Variants in ADHFE1 observed in about 807,000 individuals in gnomAD.
The protein encoded by ADHFE1 is alcohol dehydrogenase iron containing 1, also known as hydroxyacid-oxoacid transhydrogenase, mitochondrial.
In ADHFE1, 37 loss-of-function variants were observed where a neutral mutation model predicts 54.8. The ratio of observed to expected loss-of-function variants is 0.68; its 90% confidence interval spans 0.52 to 0.89. ADHFE1 has a LOEUF of 0.89. Ranked by LOEUF, ADHFE1 falls within the 40% of genes least tolerant of loss-of-function variation. The probability of loss-of-function intolerance (pLI) is 0.00; values close to 1 mark genes in which losing one functional copy is unlikely to be tolerated. For missense variants in ADHFE1, 601 were observed against 591.2 expected (o/e 1.02, Z -0.17); for synonymous variants, 203 against 229.3 (o/e 0.89, Z 1.04).
rs558042447 is a variant in ADHFE1 at position 66,455,121 on chromosome 8, G to A, written c.986+964G>A. 4.6e-5 allele frequency among the ~76,000 whole-genome samples: 7 copies of A among 152,284 alleles called. No homozygotes were observed. In the South Asian group the frequency reaches 1.5e-3, roughly 32 times the overall value. ...AGCTTTTTTCTTCTCTATGGACATA[G>A]GTTTTCCTTTCTCTTGTTATATAGG... On this transcript the variant is annotated intron_variant, in intron 10 of 13. Transcript: ENST00000396623.
intron 13 of ADHFE1, among the ~76,000 whole-genome samples, chr8:66,463,125 A>G (rs1806989635): frequency 1.3e-5 from 2 of 152,146 alleles, no homozygotes; most frequent in East Asian, 3.8e-4. Flanking sequence ...ACTGGCCCAG[A>G]CTGTCACTTT....
intron 1 of ADHFE1, among the ~76,000 whole-genome samples, chr8:66,438,855 G>A (rs1474985032): frequency 8.9e-6 from 1 of 112,306 alleles, no homozygotes; most frequent in African/African-American, 4.5e-5. Context: ...GATAGCCTCA[G>A]AGCTTGGGGA....
intron 7 of ADHFE1, 38 bp from the exon 8 acceptor site, chr8:66,448,827 C>T (rs375449644): frequency 9.1e-6 from 14 of 1,538,350 alleles, no homozygotes; most frequent in African/African-American, 4.1e-5. Context: ...AAATGATGCC[C>T]ATGGCTTTAG....
intron 1 of ADHFE1, among the ~76,000 whole-genome samples, chr8:66,433,700 GT>G (rs1294251112): frequency 1.3e-5 from 2 of 152,188 alleles, no homozygotes; most frequent in Non-Finnish European, 2.9e-5. Flanking sequence ...AATAATATTT[GT>G]CACCATTAAA....
Position 66,440,179 on chromosome 8 carries a change from A to G in ADHFE1, c.77A>G (p.His26Arg), listed in dbSNP as rs781489964. The change falls in exon 2 of 14, where the codon CAT becomes CGT. Residue 26 changes from histidine (H) to arginine (R), a missense_variant. Physicochemically the swap from His to Arg is conservative, Grantham distance 29 (BLOSUM62 0). Transcript: ENST00000396623. ...TTCCCTAGGTGCCAGTGCCCAACTC[A>G]TTCTCATACTTACTCCCAAGGTAAT... ...LQRAACQCPT[H>R]SHTYSQAPGL... The G allele has an allele frequency of 3.7e-6, 6 of 1,612,548 alleles. No individual in the cohort carries two copies. Among genetic ancestry groups the G allele is most frequent in the Non-Finnish European group, 8.5e-7 (1 of 1,179,710 alleles).
chr8:66,432,822 C>A, intron 1 of ADHFE1: 1 of 1,225,056 alleles, frequency 8.2e-7, no homozygotes, highest in Non-Finnish European at 1.0e-6. Context: ...AAACTGAGGC[C>A]CAGAGAGGAC....
Position 66,454,075 on chromosome 8 carries a change from G to A in ADHFE1, c.904G>A (p.Asp302Asn), listed in dbSNP as rs756346345. 9.9e-6 allele frequency: 16 copies of A among 1,613,908 alleles called. No homozygotes were observed. Among genetic ancestry groups the A allele is most frequent in the Middle Eastern group, 1.7e-4 (1 of 6,060 alleles). The change falls in exon 10 of 14, where the codon GAT (aspartate) becomes AAT (asparagine). Residue 302 changes from aspartate (D) to asparagine (N), a missense_variant. Transcript: ENST00000396623. ...CATTCACAGGGCTGTCAGAAATCCCGATGATCTTGAAGCAAGGTCTCATAT... is the reference window on the plus strand; with the variant it reads ...CATTCACAGGGCTGTCAGAAATCCCAATGATCTTGAAGCAAGGTCTCATAT... ...KYLKRAVRNP[D>N]DLEARSHMHL...
rs938189861 is a variant in ADHFE1 at position 66,439,051 on chromosome 8, C to T, written c.60-1111C>T. Among the ~76,000 whole-genome samples the T allele has an allele frequency of 6.6e-6, 1 of 151,910 alleles. No homozygotes were observed. The highest frequency in any genetic ancestry group is 2.4e-5 in the African/African-American group (1 of 41,406). On this transcript the variant is annotated intron_variant, in intron 1 of 13. Transcript: ENST00000396623. This position sits in a 1 kb window ranked among gnomAD's most constrained non-coding sequence, Gnocchi z 4.4. ...CCGTGAAGGGACAAGCCTGGCCTGG[C>T]CCGCGTCCTCTCCCCCGGCGCGCGC... is the stretch of plus-strand genomic sequence containing the variant.
chr8:66,460,497 G>A (rs372072297), intron 13 of ADHFE1, 32 bp downstream of exon 13: 43 of 1,542,036 alleles, frequency 2.8e-5, no homozygotes, highest in African/African-American at 1.1e-4. Context: ...CACTCCCTGC[G>A]AAGGAGCCTA....
chr8:66,453,377 C>CA (rs796491029), intron 9 of ADHFE1, among the ~76,000 whole-genome samples: 26 of 152,220 alleles, frequency 1.7e-4, no homozygotes, highest in African/African-American at 5.3e-4. Flanking sequence ...GGCAAAATTG[C>CA]AAAAAAGCCC....
At chr8:66,462,087 G>T (rs1263700958) in intron 13 of ADHFE1, among the ~76,000 whole-genome samples, 3 of 152,172 alleles carry the variant, frequency 2.0e-5, no homozygotes, top group East Asian at 3.9e-4. Context: ...CCTAGCACAG[G>T]CTAGTAAACA....
At chr8:66,437,348 G>C (rs1805518112) in intron 1 of ADHFE1, among the ~76,000 whole-genome samples, 1 of 152,092 alleles carries the variant, frequency 6.6e-6, no homozygotes, top group South Asian at 2.1e-4. Flanking sequence ...AGACAGATTG[G>C]GTTTTGCTGA....
intron 1 of ADHFE1, among the ~76,000 whole-genome samples, chr8:66,435,601 A>AT (rs533571994): frequency 0.028 from 2,154 of 78,302 alleles, 232 homozygotes; most frequent in Non-Finnish European, 0.032. Context: ...TCATTTCAAG[A>AT]TTTTTTTTTT....
intron 1 of ADHFE1, among the ~76,000 whole-genome samples, chr8:66,434,978 C>CAAA (rs534816704): frequency 7.1e-6 from 1 of 140,286 alleles, no homozygotes; most frequent in Non-Finnish European, 1.6e-5. Flanking sequence ...GACTGTGTCT[C>CAAA]AAAAAAAAAA....
At chr8:66,451,614 A>G (rs1806305679) in intron 8 of ADHFE1, among the ~76,000 whole-genome samples, 1 of 152,212 alleles carries the variant, frequency 6.6e-6, no homozygotes, top group Non-Finnish European at 1.5e-5. Context: ...TCCATAAGGA[A>G]GTCATTTTTT....
At chr8:66,435,390 C>A (rs1805408282) in intron 1 of ADHFE1, among the ~76,000 whole-genome samples, 1 of 152,140 alleles carries the variant, frequency 6.6e-6, no homozygotes, top group African/African-American at 2.4e-5. Context: ...GCAGAATCCA[C>A]TTACTTGCTT....
In ADHFE1 at chr8:66,456,802, T is replaced by G. The variant is rs1806611848; in HGVS notation, c.987-15T>G. ...ATAACTGTGTATGAACATAAGGATT[T>G]TCTTTCTTTTCTAGCCATGGAATGT... On this transcript the variant is annotated splice_polypyrimidine_tract_variant and intron_variant, in intron 10 of 13. Coordinates refer to ENST00000396623, the MANE Select transcript of ADHFE1 (RefSeq NM_144650.3). 6.3e-6 allele frequency: 10 copies of G among 1,593,448 alleles called. No homozygotes were observed. The East Asian group carries it at 2.2e-4, about 36-fold the overall frequency.
intron 7 of ADHFE1, among the ~76,000 whole-genome samples, chr8:66,448,500 T>A (rs749758496): frequency 1.3e-5 from 2 of 152,198 alleles, no homozygotes; most frequent in Non-Finnish European, 2.9e-5. Flanking sequence ...CGAGGACCAG[T>A]GGTGTGCTAG....
intron 2 of ADHFE1, among the ~76,000 whole-genome samples, chr8:66,442,187 C>T (rs1247829912): frequency 6.6e-6 from 1 of 152,044 alleles, no homozygotes; most frequent in East Asian, 1.9e-4. Flanking sequence ...CAACTCTAAA[C>T]CAGGGGATTT....
Sources: gnomAD v4.1 joint callset for allele counts (sites outside exome capture counted in the v4.1 genomes callset) on GRCh38, gnomAD v4.1.1 for gene constraint, Gnocchi (gnomAD v3.1) non-coding constraint, MANE v1.5 for transcripts, NCBI Gene and HGNC (gene_info 2026-07-23, HGNC 2026-07-21) for gene names.